Variants in PDSS1 observed in about 807,000 individuals in gnomAD.
PDSS1 encodes decaprenyl diphosphate synthase subunit 1.
In PDSS1, 43 loss-of-function variants were observed where a neutral mutation model predicts 57.5. The ratio of observed to expected loss-of-function variants is 0.75; its 90% CI spans 0.59 to 0.96. The LOEUF (loss-of-function observed/expected upper bound fraction) is 0.96. Ranked by LOEUF, PDSS1 falls within the 50% of genes least tolerant of loss-of-function variation. The pLI, the probability that PDSS1 is intolerant of heterozygous loss-of-function variation, is 0.00. For synonymous variants in PDSS1, 175 were observed against 191.3 expected (o/e 0.91, Z 0.70); for missense variants, 438 against 527.8 (o/e 0.83, Z 1.67).
intron 5 of PDSS1, among the ~76,000 whole-genome samples, chr10:26,713,937 G>A (rs1052773290): frequency 1.6e-4 from 24 of 151,994 alleles, no homozygotes; most frequent in African/African-American, 5.8e-4. Flanking sequence ...ACTGATAGAT[G>A]AAGGGCCATT....
intron 4 of PDSS1, 97 bp from the exon 5 acceptor site, chr10:26,709,541 A>G: frequency 8.0e-7 from 1 of 1,248,978 alleles, no homozygotes; most frequent in Non-Finnish European, 1.2e-6. Flanking sequence ...AGTCTGGGCA[A>G]CAAGAGCGAA....
chr10:26,721,005 C>A (rs1021414348), intron 6 of PDSS1, among the ~76,000 whole-genome samples: 7 of 152,098 alleles, frequency 4.6e-5, no homozygotes, highest in African/African-American at 1.7e-4. Context: ...ACGTGCTCTA[C>A]AAACAAAAAG....
chr10:26,708,497 A>C (rs1044480312), intron 4 of PDSS1, among the ~76,000 whole-genome samples: 2 of 152,200 alleles, frequency 1.3e-5, no homozygotes, highest in Non-Finnish European at 1.5e-5. Flanking sequence ...AGCATTGTTC[A>C]CGCTACCACT....
At chr10:26,743,778 C>T (rs1444707935) in intron 11 of PDSS1, among the ~76,000 whole-genome samples, 1 of 152,218 alleles carries the variant, frequency 6.6e-6, no homozygotes, top group Non-Finnish European at 1.5e-5. Flanking sequence ...AAAATTCTAG[C>T]TCCCTGTTCA....
chr10:26,722,247 A>G (rs985210834), intron 6 of PDSS1, among the ~76,000 whole-genome samples: 3 of 152,242 alleles, frequency 2.0e-5, no homozygotes, highest in African/African-American at 7.2e-5. Flanking sequence ...ATATACTTAC[A>G]TCAGGATGTC....
intron 6 of PDSS1, 146 bp downstream of exon 6, chr10:26,720,505 G>A: frequency 1.5e-6 from 1 of 667,470 alleles, no homozygotes; most frequent in Non-Finnish European, 2.7e-6. Context: ...TTCATGTCTT[G>A]TCCAAATACA....
rs778136255 is a variant in PDSS1 at position 26,704,751 on chromosome 10, C to T, written c.227+10C>T. 28 of 1,336,572 alleles carry T rather than the reference C, an allele frequency of 2.1e-5. No homozygotes were observed. The highest frequency in any genetic ancestry group is 3.0e-5 in the Non-Finnish European group (28 of 927,820). 82.8% of individuals were successfully genotyped at this position (1,336,572 alleles called of 1,614,324 possible). A position where few individuals can be genotyped will look rare whatever the true frequency, so the allele number is the denominator to read the frequency against. The stretch of plus-strand genomic sequence containing the variant: ...TATGTCGTATATCACGGTAAGTTTA[C>T]AGTCCATACTGCAACTACTAAAATT... On this transcript the variant is annotated intron_variant, in intron 3 of 11. Transcript: ENST00000376215.
chr10:26,703,090 C>T (rs938586412), intron 2 of PDSS1, among the ~76,000 whole-genome samples: 4 of 152,148 alleles, frequency 2.6e-5, no homozygotes, highest in African/African-American at 7.2e-5. Flanking sequence ...TTTACATCTG[C>T]TCTCTAAATT....
At chr10:26,734,533 GA>G in intron 8 of PDSS1, 1 of 369,460 alleles carries the variant, frequency 2.7e-6, no homozygotes. Context: ...AAGACTTTCA[GA>G]AGTCTTATTT....
chr10:26,717,224 T>C (rs1835613543), intron 5 of PDSS1, among the ~76,000 whole-genome samples: 1 of 152,210 alleles, frequency 6.6e-6, no homozygotes, highest in South Asian at 2.1e-4. Context: ...AATGACATTT[T>C]TTATTCTATT....
intron 5 of PDSS1, among the ~76,000 whole-genome samples, chr10:26,714,050 C>A (rs2132241679): frequency 6.6e-6 from 1 of 152,274 alleles, no homozygotes; most frequent in East Asian, 1.9e-4. Flanking sequence ...TGTCAGTAAT[C>A]CCAAGGGATA....
At chr10:26,740,027 A>G (rs1423095673) in intron 10 of PDSS1, among the ~76,000 whole-genome samples, 4 of 152,246 alleles carry the variant, frequency 2.6e-5, no homozygotes, top group African/African-American at 9.6e-5. Flanking sequence ...CTGTAGTCCC[A>G]AGTACTCGGG....
At chr10:26,718,881 A>G (rs542913021) in intron 5 of PDSS1, 18 of 152,284 alleles carry the variant, frequency 1.2e-4, no homozygotes, top group South Asian at 6.2e-4. Flanking sequence ...GCGTGACATC[A>G]TATTTTAAAA....
rs1336777862 is a variant in PDSS1 at position 26,706,746 on chromosome 10, C to G, written c.336+1352C>G. On this transcript the variant is annotated intron_variant, in intron 4 of 11. Coordinates refer to ENST00000376215, the MANE Select transcript of PDSS1 (RefSeq NM_014317.5). ...TGGGGCCCCCTTTCCAGCCTCTCCTCTGAAGCTGGTTTTGCTTGGGTCACT... is the reference window on the plus strand; with the variant it reads ...TGGGGCCCCCTTTCCAGCCTCTCCTGTGAAGCTGGTTTTGCTTGGGTCACT... 2.6e-5 allele frequency among the ~76,000 whole-genome samples: 4 copies of G among 152,158 alleles called. No homozygotes were observed. The East Asian group carries it at 7.7e-4, about 29-fold the overall frequency.
chr10:26,697,933 G>A, intron 1 of PDSS1, 93 bp downstream of exon 1: 1 of 1,142,060 alleles, frequency 8.8e-7, no homozygotes, highest in Non-Finnish European at 1.1e-6. Context: ...GAGCACGTGC[G>A]TCGCGACGCG....
Position 26,709,621 on chromosome 10 carries a change from G to A in PDSS1, c.337-17G>A, listed in dbSNP as rs750972114. 3 of 1,612,916 alleles carry A rather than the reference G, an allele frequency of 1.9e-6. No individual in the cohort carries two copies. In the South Asian group the frequency reaches 3.3e-5, roughly 18 times the overall value. On this transcript the variant is annotated splice_polypyrimidine_tract_variant and intron_variant, in intron 4 of 11. Coordinates refer to ENST00000376215, the MANE Select transcript of PDSS1 (RefSeq NM_014317.5). Reference sequence around the variant, plus strand: ...AGTTTTTTGATGCCATTGTGACACAGAGAAACTTTATTTCAGGAACTGCTT... The same window carrying A: ...AGTTTTTTGATGCCATTGTGACACAAAGAAACTTTATTTCAGGAACTGCTT...
intron 6 of PDSS1, among the ~76,000 whole-genome samples, chr10:26,722,145 C>T (rs1210577489): frequency 6.6e-6 from 1 of 152,126 alleles, no homozygotes; most frequent in Non-Finnish European, 1.5e-5. Context: ...GCCAAAGGAT[C>T]CCGAGCCTTG....
intron 6 of PDSS1, among the ~76,000 whole-genome samples, chr10:26,722,451 T>C (rs928018156): frequency 2.0e-5 from 3 of 152,168 alleles, no homozygotes; most frequent in Non-Finnish European, 4.4e-5. Context: ...ACGCCTGTAA[T>C]CCTAGCACTT....
chr10:26,737,647 C>G (rs1836447650), intron 10 of PDSS1, among the ~76,000 whole-genome samples: 3 of 140,418 alleles, frequency 2.1e-5, no homozygotes, highest in African/African-American at 8.0e-5. Flanking sequence ...AAGGAGAATC[C>G]TTGAACCTGG....
Sources: allele counts gnomAD v4.1 joint callset (sites outside exome capture counted in the v4.1 genomes callset), GRCh38; gene constraint gnomAD v4.1.1; transcripts MANE v1.5; gene names NCBI Gene and HGNC (gene_info 2026-07-23, HGNC 2026-07-21).